The following DENND4A variants were observed in gnomAD, a reference collection of about 807,000 sequenced individuals.
DENND4A encodes the protein DENN domain containing 4A.
A neutral mutation model predicts 199.3 loss-of-function variants in DENND4A; 70 were observed. That is an observed-to-expected ratio of 0.35 (90% CI 0.29 to 0.43). DENND4A has a LOEUF of 0.43. Among genes scored for constraint, DENND4A ranks in the 20% least tolerant of loss-of-function variants. The pLI is 1.00. For missense variants in DENND4A, 1,723 were observed against 2,255.8 expected (o/e 0.76, Z 4.78); for synonymous variants, 686 against 766.9 (o/e 0.89, Z 1.74).
chr15:65,738,845 T>A lies in DENND4A; in HGVS notation c.662A>T (p.Tyr221Phe). ...AGATTCCGGTAGTGAGAATGACTCA[T>A]AATCTTCTTGAGGATATCTACAAAT... Reference protein sequence around the residue: ...GLICRYPQEDYESFSLPESVP... With the variant: ...GLICRYPQEDFESFSLPESVP... The change falls in exon 6 of 33, where the codon TAT (tyrosine) becomes TTT (phenylalanine). Residue 221 changes from tyrosine to phenylalanine, a missense_variant. By Grantham distance (22) the Tyr-to-Phe change is conservative (BLOSUM62 3). Transcript: ENST00000443035. 6.2e-7 allele frequency: 1 copy of A among 1,604,650 alleles called. No homozygotes were observed. Among genetic ancestry groups the A allele is most frequent in the Non-Finnish European group, 8.5e-7 (1 of 1,176,370 alleles).
At chr15:65,731,431 AATAG>A (rs1567055327) in intron 9 of DENND4A, 1 of 577,924 alleles carries the variant, frequency 1.7e-6, no homozygotes, top group Admixed American at 2.2e-5. Flanking sequence ...ATTTGATGAT[AATAG>A]ATACACAAAA....
intron 27 of DENND4A, 129 bp from the exon 28 acceptor site, chr15:65,668,252 A>G (rs2076107857): frequency 5.8e-6 from 4 of 687,408 alleles, no homozygotes; most frequent in Non-Finnish European, 9.1e-6. Context: ...TCTGTCACCC[A>G]GGCTGGACTG....
At chr15:65,739,846 CATGAGGTAATTAAT>C (rs1176016181) in intron 5 of DENND4A, among the ~76,000 whole-genome samples, 23 of 152,248 alleles carry the variant, frequency 1.5e-4, no homozygotes, top group African/African-American at 3.4e-4. Flanking sequence ...TCTCTCAGGT[CATGAGGTAATTAAT>C]AAAGTCATAA....
At chr15:65,738,995 G>T in intron 5 of DENND4A, 120 bp from the exon 6 acceptor site, 2 of 703,256 alleles carry the variant, frequency 2.8e-6, no homozygotes, top group Non-Finnish European at 4.4e-6. Context: ...TTATATATAT[G>T]TTCATCAAAT....
rs1259424734 is a variant in DENND4A at position 65,691,190 on chromosome 15, C to G, written c.3404G>C (p.Arg1135Thr). 6.2e-7 allele frequency: 1 copy of G among 1,613,420 alleles called. No individual in the cohort carries two copies. Among genetic ancestry groups the G allele is most frequent in the African/African-American group, 1.3e-5 (1 of 75,042 alleles). The part of the protein sequence containing the change: ...DIGKPPLRSK[R>T]DSLEKESSDD... ...ACTAGATTCCTTTTCTAGACTGTCT[C>G]TTTTTGATCTTAAAGGTGGCTTCCC... Residue 1135 changes from arginine (R) to threonine (T), a missense_variant, in exon 23 of 33, where the codon AGA (arginine) becomes ACA (threonine). Around this residue, in one of 6 missense-constraint regions of DENND4A, gnomAD observed 650 missense variants for 738.1 expected, o/e 0.88. Coordinates refer to ENST00000443035, the MANE Select transcript of DENND4A (RefSeq NM_001320835.1).
intron 13 of DENND4A, among the ~76,000 whole-genome samples, chr15:65,717,037 G>C (rs1383334137): frequency 6.6e-6 from 1 of 152,144 alleles, no homozygotes; most frequent in Non-Finnish European, 1.5e-5. Flanking sequence ...TACTTCTTCA[G>C]AAAAGCCTTC....
At chr15:65,689,213 T>C (rs1225209805) in intron 23 of DENND4A, among the ~76,000 whole-genome samples, 1 of 152,198 alleles carries the variant, frequency 6.6e-6, no homozygotes, top group Non-Finnish European at 1.5e-5. Flanking sequence ...ATCTTCCATC[T>C]TTACAGTTAT....
Position 65,668,024 on chromosome 15 carries a change from G to A in DENND4A, c.4887C>T (p.Ala1629=), listed in dbSNP as rs2141861743. The change falls in exon 28 of 33, where the codon GCC becomes GCT. Residue 1629 remains alanine (A), a synonymous_variant. Transcript: ENST00000443035. Reference sequence around the variant, plus strand: ...AGGGGCCAGAAGTACTAATACTCCTGGCCATTGGAAATATTGGACATTTAG... The same window carrying A: ...AGGGGCCAGAAGTACTAATACTCCTAGCCATTGGAAATATTGGACATTTAG... ...AMSKCPIFPM[A]RSISTSGPLD... 1 of 1,612,586 alleles carries A rather than the reference G, an allele frequency of 6.2e-7. No individual in the cohort carries two copies. Among genetic ancestry groups the A allele is most frequent in the Non-Finnish European group, 8.5e-7 (1 of 1,179,560 alleles).
intron 24 of DENND4A, among the ~76,000 whole-genome samples, chr15:65,674,874 A>C (rs1051393106): frequency 1.3e-5 from 2 of 152,212 alleles, no homozygotes; most frequent in African/African-American, 2.4e-5. Context: ...GAAATAACTC[A>C]TTGAGGAAGG....
chr15:65,727,192 C>T (rs1375525202), intron 11 of DENND4A, among the ~76,000 whole-genome samples: 1 of 151,638 alleles, frequency 6.6e-6, no homozygotes, highest in Non-Finnish European at 1.5e-5. Flanking sequence ...GTGGCTCACA[C>T]CTATAATCTC....
chr15:65,729,452 G>C, intron 10 of DENND4A, 82 bp downstream of exon 10: 2 of 1,494,928 alleles, frequency 1.3e-6, no homozygotes, highest in East Asian at 4.9e-5. Context: ...TTTTAGTTAA[G>C]TTATATTAAA....
intron 23 of DENND4A, among the ~76,000 whole-genome samples, chr15:65,677,790 T>C (rs536654208): frequency 9.8e-5 from 15 of 152,322 alleles, no homozygotes; most frequent in African/African-American, 3.4e-4. Flanking sequence ...TCTATGTACA[T>C]ATACAGTTTT....
intron 24 of DENND4A, among the ~76,000 whole-genome samples, chr15:65,676,165 T>TATATATATATATATATATAC (rs1011768963): frequency 4.2e-5 from 6 of 144,490 alleles, no homozygotes; most frequent in East Asian, 4.2e-4. Context: ...TATATATATA[T>TATATATATATATATATATAC]ACCTATACCT....
chr15:65,773,345 A>G (rs754614831), intron 1 of DENND4A, among the ~76,000 whole-genome samples: 1 of 152,266 alleles, frequency 6.6e-6, no homozygotes, highest in Non-Finnish European at 1.5e-5. Flanking sequence ...ACTAAAACAC[A>G]AAGACAAATG....
chr15:65,778,845 G>C (rs1314789499), intron 1 of DENND4A, among the ~76,000 whole-genome samples: 2 of 145,494 alleles, frequency 1.4e-5, no homozygotes, highest in Non-Finnish European at 3.0e-5. Context: ...AGTGAGCTGA[G>C]ATCACGCCAC....
At chr15:65,780,366 G>GATTAAAACTCTA (rs1405437377) in intron 1 of DENND4A, among the ~76,000 whole-genome samples, 2 of 152,154 alleles carry the variant, frequency 1.3e-5, no homozygotes, top group African/African-American at 2.4e-5. Flanking sequence ...AGTAAGTAAA[G>GATTAAAACTCTA]GGCATTCCTA....
intron 10 of DENND4A, 22 bp from the exon 11 acceptor site, chr15:65,729,269 A>G: frequency 6.4e-7 from 1 of 1,556,914 alleles, no homozygotes. Context: ...AAAAGATAGG[A>G]GAGAATTTAG....
intron 1 of DENND4A, among the ~76,000 whole-genome samples, chr15:65,782,148 G>A (rs780449264): frequency 2.0e-5 from 3 of 152,008 alleles, no homozygotes; most frequent in Non-Finnish European, 2.9e-5. Flanking sequence ...TGTACTACAC[G>A]GGACCTCACA....
intron 22 of DENND4A, among the ~76,000 whole-genome samples, chr15:65,695,204 T>C (rs2077102918): frequency 6.6e-6 from 1 of 152,152 alleles, no homozygotes; most frequent in South Asian, 2.1e-4. Context: ...TTCCGCAAAC[T>C]TTTTCTATCA....
Sources: gnomAD v4.1 joint callset for allele counts (sites outside exome capture counted in the v4.1 genomes callset) on GRCh38, gnomAD v4.1.1 for gene constraint, gnomAD v4.1.1 regional missense constraint, MANE v1.5 for transcripts, NCBI Gene and HGNC (gene_info 2026-07-23, HGNC 2026-07-21) for gene names.